HERC4: variants seen among roughly 807,000 people sequenced by gnomAD.
HERC4 encodes HECT and RLD domain containing E3 ubiquitin protein ligase 4.
In HERC4, 28 loss-of-function variants were observed where a neutral mutation model predicts 124.3. That is an observed-to-expected ratio of 0.23 (90% CI 0.17 to 0.31). The LOEUF is 0.31. Among genes scored for constraint, HERC4 ranks in the 10% least tolerant of loss-of-function variants. HERC4 has a pLI of 1.00. For missense variants in HERC4, 713 were observed against 1,229.3 expected (o/e 0.58, Z 6.28); for synonymous variants, 407 against 421.5 (o/e 0.97, Z 0.42).
intron 3 of HERC4, among the ~76,000 whole-genome samples, chr10:68,056,516 T>C (rs1251843522): frequency 6.6e-6 from 1 of 152,204 alleles, no homozygotes; most frequent in Non-Finnish European, 1.5e-5. Flanking sequence ...GTTATTGAAT[T>C]CCATGGGCTG....
Position 68,029,795 on chromosome 10 carries a change from G to A in HERC4, c.777+2983C>T, listed in dbSNP as rs1019732825. Among the ~76,000 whole-genome samples the A allele has an allele frequency of 3.3e-5, 5 of 149,552 alleles. No individual in the cohort carries two copies. The East Asian group carries it at 9.9e-4, about 30-fold the overall frequency. ...TCGCTGTCGACCAGGCTGGAGTACA[G>A]TGGCACAGCCTCAGCTCACTGCAAC... On this transcript the variant is annotated intron_variant, in intron 7 of 24. Transcript: ENST00000373700.
At chr10:68,014,286 CA>C in intron 8 of HERC4, 100 bp from the exon 9 acceptor site, 1 of 1,096,636 alleles carries the variant, frequency 9.1e-7, no homozygotes, top group Non-Finnish European at 1.2e-6. Flanking sequence ...TTTTTCTTTT[CA>C]AAAAATTAAT....
chr10:67,991,396 T>C (rs903831493), intron 11 of HERC4, among the ~76,000 whole-genome samples, 197 bp from the exon 12 acceptor site: 1 of 152,176 alleles, frequency 6.6e-6, no homozygotes, highest in African/African-American at 2.4e-5. Context: ...GGTATTACTG[T>C]TTATTCTAGA....
intron 8 of HERC4, among the ~76,000 whole-genome samples, chr10:68,023,002 A>C (rs560331811): frequency 6.6e-6 from 1 of 152,118 alleles, no homozygotes; most frequent in East Asian, 1.9e-4. Context: ...TAAAATAGGT[A>C]TTATAAAAAA....
intron 11 of HERC4, 147 bp downstream of exon 11, chr10:67,992,052 C>T (rs1195636516): frequency 1.5e-6 from 1 of 650,796 alleles, no homozygotes; most frequent in Non-Finnish European, 2.5e-6. Flanking sequence ...GTGTGCACCA[C>T]CACGCCCAGC....
At chr10:67,944,515 C>A (rs557642007) in intron 19 of HERC4, among the ~76,000 whole-genome samples, 2 of 152,204 alleles carry the variant, frequency 1.3e-5, no homozygotes, top group Admixed American at 6.5e-5. Context: ...GTGAAGACTA[C>A]AATAAATACC....
chr10:68,037,091 C>CTTTTTTTTTT (rs35105661), intron 5 of HERC4, among the ~76,000 whole-genome samples: 5 of 106,924 alleles, frequency 4.7e-5, no homozygotes, highest in Non-Finnish European at 7.2e-5. Context: ...CCTATTTCTT[C>CTTTTTTTTTT]TTTTTTTTTT....
At chr10:68,055,486 T>C (rs1211657071) in intron 3 of HERC4, among the ~76,000 whole-genome samples, 3 of 152,178 alleles carry the variant, frequency 2.0e-5, no homozygotes, top group Admixed American at 6.5e-5. Flanking sequence ...CCCTTTTATA[T>C]ATTTATACAG....
chr10:68,039,859 A>C (rs1011915324), intron 4 of HERC4: 42 of 1,002,294 alleles, frequency 4.2e-5, no homozygotes, highest in Non-Finnish European at 4.4e-5. Flanking sequence ...GGAAAAAAAA[A>C]CACTATTCTG....
At chr10:67,959,374 C>T (rs1307978487) in intron 16 of HERC4, among the ~76,000 whole-genome samples, 1 of 151,822 alleles carries the variant, frequency 6.6e-6, no homozygotes, top group East Asian at 1.9e-4. Context: ...GAGGCTTGAA[C>T]ATAATGAAAT....
intron 19 of HERC4, among the ~76,000 whole-genome samples, chr10:67,946,347 A>AC (rs1491146278): frequency 2.3e-4 from 27 of 119,424 alleles, no homozygotes; most frequent in East Asian, 1.2e-3. Context: ...GATAAAACAC[A>AC]AACACACACA....
At chr10:68,060,873 T>C (rs1296873950) in intron 3 of HERC4, among the ~76,000 whole-genome samples, 3 of 152,074 alleles carry the variant, frequency 2.0e-5, no homozygotes, top group Admixed American at 6.6e-5. Context: ...TTTGTATCAA[T>C]TGTGGGAAGC....
At chr10:68,070,724 C>T (rs1160102182) in intron 3 of HERC4, 2 of 152,182 alleles carry the variant, frequency 1.3e-5, no homozygotes, top group Non-Finnish European at 2.9e-5. Flanking sequence ...TCTCTTCCCT[C>T]TGAAACCTAG....
intron 19 of HERC4, among the ~76,000 whole-genome samples, chr10:67,946,313 C>A (rs1351783546): frequency 7.0e-6 from 1 of 141,862 alleles, no homozygotes; most frequent in Non-Finnish European, 1.5e-5. Context: ...ACTCTCCAAT[C>A]AAAAGACACA....
intron 19 of HERC4, among the ~76,000 whole-genome samples, chr10:67,946,776 A>C (rs973973863): frequency 2.0e-5 from 3 of 152,028 alleles, no homozygotes; most frequent in South Asian, 2.1e-4. Context: ...GCATGGTGGC[A>C]CACACCTGTA....
chr10:68,074,427 A>C (rs1268832635), intron 1 of HERC4, among the ~76,000 whole-genome samples: 1 of 152,166 alleles, frequency 6.6e-6, no homozygotes, highest in Non-Finnish European at 1.5e-5. Flanking sequence ...AATTCCCAAG[A>C]GTTCTGCATT....
intron 20 of HERC4, among the ~76,000 whole-genome samples, chr10:67,940,338 T>C (rs2032771546): frequency 6.6e-6 from 1 of 152,190 alleles, no homozygotes. Flanking sequence ...AATAAATCAT[T>C]TAACCACTCT....
At position 68,003,846 on chromosome 10, in the gene HERC4, A is replaced by C. The variant is rs183093930; in HGVS notation, c.1069+10180T>G. Among the ~76,000 whole-genome samples, 3 of 152,336 alleles carry C rather than the reference A, an allele frequency of 2.0e-5. No homozygotes were observed. In the East Asian group the frequency reaches 5.8e-4, roughly 29 times the overall value. ...GAGAGTGCAGATACCTCTGTGATGT[A>C]CAGATTTCCTTTCTTTTGGGTGTAT... On this transcript the variant is annotated intron_variant, in intron 9 of 24. Coordinates refer to ENST00000373700, the MANE Select transcript of HERC4 (RefSeq NM_015601.4).
chr10:68,049,810 T>G (rs758440317), intron 3 of HERC4, among the ~76,000 whole-genome samples: 1 of 151,820 alleles, frequency 6.6e-6, no homozygotes, highest in Non-Finnish European at 1.5e-5. Context: ...ACTCAGGGAA[T>G]TGAGGTGGGA....
Sources: gnomAD v4.1 joint callset for allele counts (sites outside exome capture counted in the v4.1 genomes callset) on GRCh38, gnomAD v4.1.1 for gene constraint, MANE v1.5 for transcripts, NCBI Gene and HGNC (gene_info 2026-07-23, HGNC 2026-07-21) for gene names.